The following CAMKMT variants were observed in gnomAD, a reference collection of about 807,000 sequenced individuals.
CAMKMT encodes calmodulin-lysine N-methyltransferase, also known as CaM KMT.
A neutral mutation model predicts 48.0 loss-of-function variants in CAMKMT; 53 were observed. The observed-to-expected ratio is 1.10, with a 90% CI of 0.89 to 1.39. The LOEUF (loss-of-function observed/expected upper bound fraction) is 1.39. Ranked by LOEUF, CAMKMT falls within the 40% of genes most tolerant of loss-of-function variation. The pLI is 0.00. For missense variants in CAMKMT, 428 were observed against 402.7 expected (o/e 1.06, Z -0.54); for synonymous variants, 165 against 152.3 (o/e 1.08, Z -0.61).
At chr2:44,752,185 C>A (rs138015739) in intron 8 of CAMKMT, among the ~76,000 whole-genome samples, 1 of 151,950 alleles carries the variant, frequency 6.6e-6, no homozygotes, top group Admixed American at 6.5e-5. Context: ...TTCAGAGATT[C>A]AGCTGTACTT....
Position 44,561,226 on chromosome 2 carries a change from G to C in CAMKMT, c.377-143057G>C, listed in dbSNP as rs76226365. On this transcript the variant is annotated intron_variant, in intron 3 of 10. Transcript: ENST00000378494. ...CAACTTGGCAGCATACTCCTGGTGA[G>C]GTGAAGCTCCTCAACATTACTACGT... Among the ~76,000 whole-genome samples the C allele has an allele frequency of 1.0e-2, 1,520 of 152,098 alleles. 28 individuals are homozygous for C. The highest frequency in any genetic ancestry group is 0.033 in the African/African-American group (1,354 of 41,482).
intron 3 of CAMKMT, among the ~76,000 whole-genome samples, chr2:44,494,322 G>T (rs189223115): frequency 2.7e-4 from 41 of 152,264 alleles, no homozygotes; most frequent in Middle Eastern, 3.4e-3. Flanking sequence ...CCTTTGAATT[G>T]TGTCCTCTTG....
intron 3 of CAMKMT, among the ~76,000 whole-genome samples, chr2:44,640,346 A>G (rs1673381738): frequency 2.6e-5 from 4 of 152,176 alleles, no homozygotes. Context: ...GAAAGGTCGC[A>G]TTTTGAGTAT....
intron 2 of CAMKMT, among the ~76,000 whole-genome samples, chr2:44,380,058 A>G (rs555208172): frequency 6.9e-4 from 104 of 151,488 alleles, no homozygotes; most frequent in South Asian, 1.3e-3. Context: ...CTTGCTTTTC[A>G]CCTCTAGTTT....
chr2:44,527,291 A>C (rs554383078), intron 3 of CAMKMT, among the ~76,000 whole-genome samples: 414 of 144,252 alleles, frequency 2.9e-3, no homozygotes, highest in Middle Eastern at 0.014. Flanking sequence ...TTATATATAT[A>C]TAATATACAT....
chr2:44,657,192 G>T lies in CAMKMT; in HGVS notation c.377-47091G>T, dbSNP rs1453626659. Reference sequence around the variant, plus strand: ...CCATATGAAGGCCATCCCGTGGAGAGGTCAGGACCTCTCAGAGTTGAATTT... The same window carrying T: ...CCATATGAAGGCCATCCCGTGGAGATGTCAGGACCTCTCAGAGTTGAATTT... On this transcript the variant is annotated intron_variant, in intron 3 of 10. Transcript: ENST00000378494. The surrounding 1 kb of genome is among the most constrained non-coding windows in gnomAD (Gnocchi z 4.3). 6.6e-6 allele frequency among the ~76,000 whole-genome samples: 1 copy of T among 152,188 alleles called. No homozygotes were observed. The highest frequency in any genetic ancestry group is 1.5e-5 in the Non-Finnish European group (1 of 68,038).
chr2:44,554,730 C>T (rs539401954), intron 3 of CAMKMT, among the ~76,000 whole-genome samples: 1 of 151,930 alleles, frequency 6.6e-6, no homozygotes, highest in Admixed American at 6.6e-5. Context: ...AAAAAAATTA[C>T]CCAGGTGTGG....
intron 3 of CAMKMT, among the ~76,000 whole-genome samples, chr2:44,640,422 C>T (rs956459050): frequency 3.3e-5 from 5 of 152,196 alleles, no homozygotes; most frequent in African/African-American, 1.2e-4. Flanking sequence ...TCTGTGAATA[C>T]ACACTGGGTT....
intron 6 of CAMKMT, among the ~76,000 whole-genome samples, chr2:44,709,735 C>T (rs1230363964): frequency 6.6e-6 from 1 of 151,850 alleles, no homozygotes; most frequent in Non-Finnish European, 1.5e-5. Context: ...TTACATCTTT[C>T]CTTTAAAATT....
chr2:44,701,016 C>T (rs1398773188), intron 3 of CAMKMT, among the ~76,000 whole-genome samples: 1 of 152,118 alleles, frequency 6.6e-6, no homozygotes, highest in Non-Finnish European at 1.5e-5. Context: ...ATGGACGTAC[C>T]ACATTTTATT....
Position 44,390,313 on chromosome 2 carries a change from A to G in CAMKMT, c.376+8A>G. 1 of 1,568,560 alleles carries G rather than the reference A, an allele frequency of 6.4e-7. No individual in the cohort carries two copies. Among genetic ancestry groups the G allele is most frequent in the Middle Eastern group, 1.7e-4 (1 of 5,944 alleles). On this transcript the variant is annotated splice_region_variant and intron_variant, in intron 3 of 10. Transcript: ENST00000378494. Reference sequence around the variant, plus strand: ...ACAATACAGGAAATGTTTGTAAGTTATACATTCACTCTATAGAAATATATT... The same window carrying G: ...ACAATACAGGAAATGTTTGTAAGTTGTACATTCACTCTATAGAAATATATT...
At chr2:44,546,065 C>T (rs1667376997) in intron 3 of CAMKMT, among the ~76,000 whole-genome samples, 2 of 150,890 alleles carry the variant, frequency 1.3e-5, no homozygotes, top group South Asian at 4.2e-4. Context: ...TAGCAAATTG[C>T]ATCTTTTATA....
intron 3 of CAMKMT, among the ~76,000 whole-genome samples, chr2:44,619,823 T>C (rs1057029934): frequency 2.0e-5 from 3 of 152,188 alleles, no homozygotes; most frequent in Non-Finnish European, 4.4e-5. Flanking sequence ...ATGCTGTGGA[T>C]AGCAATGATG....
At chr2:44,637,767 G>C (rs1452467357) in intron 3 of CAMKMT, among the ~76,000 whole-genome samples, 3 of 151,950 alleles carry the variant, frequency 2.0e-5, no homozygotes, top group African/African-American at 7.3e-5. Context: ...GAGTTTCCTA[G>C]GTATTTGAAA....
chr2:44,662,231 G>T (rs946812059), intron 3 of CAMKMT, among the ~76,000 whole-genome samples: 7 of 152,162 alleles, frequency 4.6e-5, no homozygotes, highest in Non-Finnish European at 1.0e-4. Flanking sequence ...TCCTACCCTT[G>T]TTCTCTCTCC....
intron 10 of CAMKMT, among the ~76,000 whole-genome samples, chr2:44,768,977 A>G (rs575824086): frequency 1.0e-3 from 152 of 152,218 alleles, no homozygotes; most frequent in Non-Finnish European, 1.7e-3. Flanking sequence ...ATCTTGTTAC[A>G]CAAATGGTCG....
intron 3 of CAMKMT, among the ~76,000 whole-genome samples, chr2:44,669,893 C>G (rs1469313492): frequency 6.6e-6 from 1 of 152,226 alleles, no homozygotes; most frequent in African/African-American, 2.4e-5. Context: ...TCACCTCAGC[C>G]TCCCAAAGTG....
intron 3 of CAMKMT, among the ~76,000 whole-genome samples, chr2:44,625,273 T>A (rs1231039262): frequency 6.6e-6 from 1 of 152,236 alleles, no homozygotes; most frequent in Non-Finnish European, 1.5e-5. Context: ...TTCATGTGTT[T>A]ATTGACCATT....
chr2:44,464,126 T>A (rs1667990568), intron 3 of CAMKMT, among the ~76,000 whole-genome samples: 3 of 152,068 alleles, frequency 2.0e-5, no homozygotes, highest in Admixed American at 2.0e-4. Flanking sequence ...AATGAGGATA[T>A]GAACAAAGAT....
Sources: gnomAD v4.1 joint callset for allele counts (sites outside exome capture counted in the v4.1 genomes callset) on GRCh38, gnomAD v4.1.1 for gene constraint, Gnocchi (gnomAD v3.1) non-coding constraint, MANE v1.5 for transcripts, NCBI Gene and HGNC (gene_info 2026-07-23, HGNC 2026-07-21) for gene names.